The following PRKG1 variants were observed in gnomAD, a reference collection of about 807,000 sequenced individuals.
PRKG1 encodes the protein cGMP-dependent protein kinase 1.
PRKG1 carries 35 observed loss-of-function variants against 88.1 expected under a neutral mutation model. That is an observed-to-expected ratio of 0.40 (90% confidence interval 0.30 to 0.53). The LOEUF (loss-of-function observed/expected upper bound fraction) is 0.53, where lower values mean the gene tolerates loss of function less well. Among genes scored for constraint, PRKG1 ranks in the 20% least tolerant of loss-of-function variants. The pLI is 0.59. For missense variants in PRKG1, 540 were observed against 839.8 expected (o/e 0.64, Z 4.41); for synonymous variants, 303 against 292.5 (o/e 1.04, Z -0.37).
intron 9 of PRKG1, among the ~76,000 whole-genome samples, chr10:52,177,362 T>C (rs1021660913): frequency 1.3e-5 from 2 of 152,138 alleles, no homozygotes; most frequent in Non-Finnish European, 2.9e-5. Flanking sequence ...AAATCCCATT[T>C]GATCATGGTG....
At chr10:51,100,901 A>C (rs1844663177) in intron 1 of PRKG1, among the ~76,000 whole-genome samples, 1 of 152,162 alleles carries the variant, frequency 6.6e-6, no homozygotes, top group Admixed American at 6.5e-5. Context: ...TGGGCTGTGA[A>C]AAAAGGGTGA....
At chr10:51,199,557 A>G (rs1014713080) in intron 2 of PRKG1, among the ~76,000 whole-genome samples, 2 of 152,186 alleles carry the variant, frequency 1.3e-5, no homozygotes, top group African/African-American at 2.4e-5. Context: ...TACCAGCACA[A>G]TGGCCTGTAT....
chr10:52,125,706 G>C (rs1365016546), intron 7 of PRKG1: 1 of 152,148 alleles, frequency 6.6e-6, no homozygotes, highest in Non-Finnish European at 1.5e-5. Context: ...TAACACAAAT[G>C]TATTTTTCCT....
chr10:51,870,589 G>C (rs1841131629), intron 4 of PRKG1, among the ~76,000 whole-genome samples: 1 of 151,888 alleles, frequency 6.6e-6, no homozygotes, highest in Admixed American at 6.6e-5. Context: ...TTCTGCCTTT[G>C]TCTATAGCAG....
At chr10:51,741,474 T>C (rs1352513576) in intron 3 of PRKG1, among the ~76,000 whole-genome samples, 3 of 152,272 alleles carry the variant, frequency 2.0e-5, no homozygotes, top group East Asian at 1.9e-4. Flanking sequence ...CTAGTTAAAT[T>C]AATTCAAAAA....
intron 3 of PRKG1, among the ~76,000 whole-genome samples, chr10:51,629,648 G>A (rs185439419): frequency 9.3e-4 from 142 of 152,186 alleles, no homozygotes; most frequent in African/African-American, 3.4e-3. Flanking sequence ...CAGAACATAC[G>A]GAGGTTTGAA....
chr10:51,536,266 A>T (rs1048933470), intron 3 of PRKG1, among the ~76,000 whole-genome samples: 11 of 152,128 alleles, frequency 7.2e-5, no homozygotes, highest in Admixed American at 4.6e-4. Context: ...TGTATTAAAA[A>T]TTTTTGACTT....
rs536167468 is a variant in PRKG1 at position 52,191,349 on chromosome 10, A to G, written c.1076+29386A>G. 7.0e-5 allele frequency among the ~76,000 whole-genome samples: 10 copies of G among 142,198 alleles called. No homozygotes were observed. In the East Asian group the frequency reaches 2.1e-3, roughly 30 times the overall value. The allele number at this position is 142,198 out of a possible 152,430, so 93.3% of individuals were successfully genotyped here. A position where few individuals can be genotyped will look rare whatever the true frequency, so the allele number is the denominator to read the frequency against. ...CAGCTATTTTTTTTTTTTTTTTCTT[A>G]CAGAGATGGGGTTTTGCCATGTTGC... is the stretch of plus-strand genomic sequence containing the variant. On this transcript the variant is annotated intron_variant, in intron 9 of 17. Transcript: ENST00000373980.
chr10:52,261,341 G>T (rs1284604761), intron 10 of PRKG1, among the ~76,000 whole-genome samples: 5 of 152,032 alleles, frequency 3.3e-5, no homozygotes, highest in Admixed American at 3.3e-4. Flanking sequence ...ATGAGAAGAA[G>T]AGAGACCCTC....
chr10:51,154,317 TG>T (rs1231487220), intron 2 of PRKG1, among the ~76,000 whole-genome samples: 9 of 151,962 alleles, frequency 5.9e-5, no homozygotes, highest in African/African-American at 1.9e-4. Context: ...GAGACATTTT[TG>T]GTTGTCACAA....
In PRKG1 at chr10:51,719,679, C is replaced by G. The variant is rs568146426; in HGVS notation, c.593-84906C>G. 3.9e-5 allele frequency among the ~76,000 whole-genome samples: 6 copies of G among 152,186 alleles called. No homozygotes were observed. The South Asian group carries it at 1.2e-3, about 32-fold the overall frequency. On this transcript the variant is annotated intron_variant, in intron 3 of 17. Coordinates refer to ENST00000373980, the MANE Select transcript of PRKG1 (RefSeq NM_006258.4). ...TTGTAATTAGGTTAATATAGATGTA[C>G]CCATTTTTCAGCTTTGATAAACATA...
chr10:51,196,244 C>G (rs1837761841), intron 2 of PRKG1, among the ~76,000 whole-genome samples: 1 of 152,114 alleles, frequency 6.6e-6, no homozygotes, highest in African/African-American at 2.4e-5. Context: ...ATGTTGAAAA[C>G]TAGTATATAT....
At chr10:51,384,624 T>G (rs1837200509) in intron 2 of PRKG1, among the ~76,000 whole-genome samples, 1 of 152,174 alleles carries the variant, frequency 6.6e-6, no homozygotes, top group Non-Finnish European at 1.5e-5. Flanking sequence ...CCCAGCTATT[T>G]TTATCGTGAA....
At chr10:51,367,098 C>G (rs1172418741) in intron 2 of PRKG1, among the ~76,000 whole-genome samples, 1 of 151,892 alleles carries the variant, frequency 6.6e-6, no homozygotes, top group African/African-American at 2.4e-5. Flanking sequence ...TTTTTCCTCT[C>G]TTTGAGCAGT....
chr10:51,441,308 C>A (rs915322246), intron 2 of PRKG1, among the ~76,000 whole-genome samples: 15 of 151,968 alleles, frequency 9.9e-5, no homozygotes, highest in African/African-American at 3.6e-4. Context: ...CAAAGAGAAA[C>A]TAAAGCATGG....
In PRKG1 at chr10:51,431,529, A is replaced by T. The variant is rs1448584154; in HGVS notation, c.479-36194A>T. On this transcript the variant is annotated intron_variant, in intron 2 of 17. Coordinates refer to ENST00000373980, the MANE Select transcript of PRKG1 (RefSeq NM_006258.4). ...ATATTGGCTTGCTGGGTGAGAATTT[A>T]AGAAGATAGTTGAAGGTGTGGGCTC... is the stretch of plus-strand genomic sequence containing the variant. Among the ~76,000 whole-genome samples the T allele has an allele frequency of 2.0e-5, 3 of 152,280 alleles. No individual in the cohort carries two copies. In the South Asian group the frequency reaches 6.2e-4, roughly 32 times the overall value.
At chr10:51,687,912 C>G (rs76616198) in intron 3 of PRKG1, among the ~76,000 whole-genome samples, 1 of 152,188 alleles carries the variant, frequency 6.6e-6, no homozygotes, top group South Asian at 2.1e-4. Context: ...CCAATGTTCA[C>G]TCAATTATCT....
chr10:52,172,876 A>G (rs1260336717), intron 9 of PRKG1, among the ~76,000 whole-genome samples: 1 of 152,218 alleles, frequency 6.6e-6, no homozygotes, highest in African/African-American at 2.4e-5. Context: ...CTGCACAGCC[A>G]CTAACTTCAT....
rs368263928 is a variant in PRKG1, at chr10:52,055,693, C to T, written c.840+1132C>T. Among the ~76,000 whole-genome samples the T allele has an allele frequency of 5.3e-5, 8 of 152,198 alleles. No homozygotes were observed. The East Asian group carries it at 1.4e-3, about 26-fold the overall frequency. On this transcript the variant is annotated intron_variant, in intron 6 of 17. Coordinates refer to ENST00000373980, the MANE Select transcript of PRKG1 (RefSeq NM_006258.4). ...ATATCATTACAAGGAATTCATATCTCTGCATGTACTAAGTATAGAAGGAGA... is the reference window on the plus strand; with the variant it reads ...ATATCATTACAAGGAATTCATATCTTTGCATGTACTAAGTATAGAAGGAGA...
Sources: allele counts gnomAD v4.1 joint callset (sites outside exome capture counted in the v4.1 genomes callset), GRCh38; gene constraint gnomAD v4.1.1; transcripts MANE v1.5; gene names NCBI Gene and HGNC (gene_info 2026-07-23, HGNC 2026-07-21).